Variants in SAP30BP observed in about 807,000 individuals in gnomAD.
SAP30BP encodes SAP30 binding protein.
SAP30BP carries 31 observed loss-of-function variants against 46.3 expected under a neutral mutation model. The ratio of observed to expected loss-of-function variants is 0.67; its 90% CI spans 0.50 to 0.90. SAP30BP has a LOEUF of 0.90. Ranked by LOEUF, SAP30BP falls within the 40% of genes least tolerant of loss-of-function variation. The probability of loss-of-function intolerance (pLI) is 0.00; values close to 1 mark genes in which losing one functional copy is unlikely to be tolerated. For missense variants in SAP30BP, 312 were observed against 391.0 expected (o/e 0.80, Z 1.70); for synonymous variants, 169 against 144.2 (o/e 1.17, Z -1.23).
At chr17:75,683,349 AAAT>A (rs758132585) in intron 3 of SAP30BP, among the ~76,000 whole-genome samples, 61 of 151,536 alleles carry the variant, frequency 4.0e-4, no homozygotes, top group African/African-American at 1.2e-3. Flanking sequence ...GCTTGGTAAA[AAAT>A]AATAATAATA....
rs1275117925 is a variant in SAP30BP at position 75,707,473 on chromosome 17, T to C, written c.*952T>C. The C allele has an allele frequency of 1.3e-5, 2 of 152,624 alleles. No individual in the cohort carries two copies. Among genetic ancestry groups the C allele is most frequent in the Non-Finnish European group, 2.9e-5 (2 of 68,066 alleles). The allele number at this position is 152,624 out of a possible 1,614,324, so 9.5% of individuals were successfully genotyped here. ...GAGACTATTTACCCTTCATGATCTT[T>C]GGCGATTCTCCACTGGAGCGGAAGG... On this transcript the variant is annotated 3_prime_UTR_variant, in exon 11 of 11. Transcript: ENST00000584667.
In SAP30BP at chr17:75,706,779, C is replaced by T; in HGVS notation, c.*258C>T. ...CTTACCTCTTGGCATCTCAGATGCACTGGCCTCTCCTGCATTCTGTTTGCA... is the reference window on the plus strand; with the variant it reads ...CTTACCTCTTGGCATCTCAGATGCATTGGCCTCTCCTGCATTCTGTTTGCA... On this transcript the variant is annotated 3_prime_UTR_variant, in exon 11 of 11. Coordinates refer to ENST00000584667, the MANE Select transcript of SAP30BP (RefSeq NM_013260.8). This position sits in a 1 kb window ranked among gnomAD's most constrained non-coding sequence, Gnocchi z 4.6. The T allele has an allele frequency of 1.9e-6, 1 of 522,320 alleles. No homozygotes were observed. Among genetic ancestry groups the T allele is most frequent in the Non-Finnish European group, 3.4e-6 (1 of 290,890 alleles). The allele number at this position is 522,320 out of a possible 1,614,324, so 32.4% of individuals were successfully genotyped here.
intron 3 of SAP30BP, among the ~76,000 whole-genome samples, chr17:75,679,203 AG>A (rs1355476748): frequency 6.6e-6 from 1 of 151,934 alleles, no homozygotes; most frequent in African/African-American, 2.4e-5. Context: ...TCACCATGTT[AG>A]CCAGGATGGT....
At chr17:75,683,388 TGGAG>T (rs2060113572) in intron 3 of SAP30BP, among the ~76,000 whole-genome samples, 1 of 151,992 alleles carries the variant, frequency 6.6e-6, no homozygotes, top group African/African-American at 2.4e-5. Flanking sequence ...ATATTCCAAA[TGGAG>T]ATTTTTTTAA....
chr17:75,689,480 G>C (rs1460455851), intron 3 of SAP30BP, among the ~76,000 whole-genome samples: 1 of 152,230 alleles, frequency 6.6e-6, no homozygotes, highest in Non-Finnish European at 1.5e-5. Flanking sequence ...CCTTTCCTAG[G>C]TGAGGTGCTT....
chr17:75,691,882 C>T (rs2060247988), intron 3 of SAP30BP: 1 of 192,336 alleles, frequency 5.2e-6, no homozygotes, highest in Non-Finnish European at 1.1e-5. Context: ...TCCTGAGAGT[C>T]ACTGCTACAA....
At chr17:75,703,231 C>T in intron 6 of SAP30BP, 80 bp from the exon 7 acceptor site, 2 of 1,351,106 alleles carry the variant, frequency 1.5e-6, no homozygotes, top group Admixed American at 1.7e-5. Flanking sequence ...GGTTTTGTGT[C>T]AGCCCCAGGA....
intron 3 of SAP30BP, among the ~76,000 whole-genome samples, chr17:75,682,823 C>T (rs1299155323): frequency 2.0e-5 from 3 of 151,440 alleles, no homozygotes; most frequent in Non-Finnish European, 4.4e-5. Context: ...ATTAGCCAGA[C>T]ATGGTGGCAC....
chr17:75,699,726 A>T, intron 4 of SAP30BP, 57 bp from the exon 5 acceptor site: 3 of 1,174,084 alleles, frequency 2.6e-6, no homozygotes, highest in African/African-American at 1.5e-5. Flanking sequence ...TTTTTTGTCC[A>T]TGTCTGTCCC....
rs1209570400 is a variant in SAP30BP, at chr17:75,692,600, G to A, written c.265-840G>A. The A allele has an allele frequency of 1.1e-5, 8 of 746,318 alleles. No homozygotes were observed. In the South Asian group the frequency reaches 3.6e-4, roughly 34 times the overall value. The allele number at this position is 746,318 out of a possible 1,614,324, so 46.2% of individuals were successfully genotyped here. On this transcript the variant is annotated intron_variant, in intron 3 of 10. Coordinates refer to ENST00000584667, the MANE Select transcript of SAP30BP (RefSeq NM_013260.8). Reference sequence around the variant, plus strand: ...CTTGTGACGGAGGGCTTGGACCGTGGCTTTCTCAGCATTGATTTTGGTTTA... The same window carrying A: ...CTTGTGACGGAGGGCTTGGACCGTGACTTTCTCAGCATTGATTTTGGTTTA...
At chr17:75,704,500 C>T (rs1030194132) in intron 8 of SAP30BP, among the ~76,000 whole-genome samples, 4 of 152,218 alleles carry the variant, frequency 2.6e-5, no homozygotes, top group Non-Finnish European at 5.9e-5. Context: ...GCCTGTATTC[C>T]CGTGTGTGGC....
At chr17:75,689,062 TC>T (rs1471733801) in intron 3 of SAP30BP, among the ~76,000 whole-genome samples, 1 of 152,176 alleles carries the variant, frequency 6.6e-6, no homozygotes, top group Non-Finnish European at 1.5e-5. Flanking sequence ...ATTGGTGTCC[TC>T]CACCAGCTCA....
Position 75,699,801 on chromosome 17 carries a change from T to A in SAP30BP, c.326T>A (p.Val109Asp). 6.2e-7 allele frequency: 1 copy of A among 1,613,178 alleles called. No homozygotes were observed. ...QELVASFSER[V>D]RNMSPDEIKI... ...TCAACAGCCTCCTTTTCTGAAAGAG[T>A]TCGGAACATGTCGCCTGATGAAATC... The change falls in exon 5 of 11, where the codon GTT becomes GAT. Residue 109 changes from valine to aspartate, a missense_variant. This residue lies in a region of SAP30BP where 296 missense variants were observed against 346.6 expected (regional missense o/e 0.85). Coordinates refer to ENST00000584667, the MANE Select transcript of SAP30BP (RefSeq NM_013260.8).
intron 7 of SAP30BP, 22 bp from the exon 8 acceptor site, chr17:75,703,786 T>A (rs1568324243): frequency 6.2e-7 from 1 of 1,609,720 alleles, no homozygotes; most frequent in Admixed American, 1.7e-5. Flanking sequence ...GTCATCTGAG[T>A]CATTCGCCTT....
intron 1 of SAP30BP, among the ~76,000 whole-genome samples, chr17:75,667,754 T>TCAC (rs1454952527): frequency 6.6e-6 from 1 of 152,386 alleles, no homozygotes; most frequent in Non-Finnish European, 1.5e-5. Context: ...GAGCGGCTGC[T>TCAC]CAGCCACTGC....
At chr17:75,703,720 G>T (rs2060450796) in intron 7 of SAP30BP, 88 bp from the exon 8 acceptor site, 1 of 1,232,276 alleles carries the variant, frequency 8.1e-7, no homozygotes, top group South Asian at 1.2e-5. Context: ...GGGGACCCCA[G>T]ACCAAGAAGC....
At position 75,672,091 on chromosome 17, in the gene SAP30BP, C is replaced by CCT. The variant is rs1168840533; in HGVS notation, c.264+229_264+230dup. 5.6e-6 allele frequency: 3 copies of CCT among 534,784 alleles called. No homozygotes were observed. In the East Asian group the frequency reaches 9.7e-5, roughly 17 times the overall value. 33.1% of individuals were successfully genotyped at this position (534,784 alleles called of 1,614,324 possible). On this transcript the variant is annotated intron_variant, in intron 3 of 10. Coordinates refer to ENST00000584667, the MANE Select transcript of SAP30BP (RefSeq NM_013260.8). Reference sequence around the variant, plus strand: ...CAGCCTTTCAGATTGTGCCATATCTCCTGACTAGAAAGGCGAGAGGCCTGG... The same window carrying CCT: ...CAGCCTTTCAGATTGTGCCATATCTCCTCTGACTAGAAAGGCGAGAGGCCTGG...
At chr17:75,687,769 C>T (rs2060178434) in intron 3 of SAP30BP, among the ~76,000 whole-genome samples, 1 of 152,188 alleles carries the variant, frequency 6.6e-6, no homozygotes, top group Non-Finnish European at 1.5e-5. Flanking sequence ...AGCTGCTCTT[C>T]TGCTGCCTGT....
chr17:75,702,238 A>G (rs887879396), intron 5 of SAP30BP, among the ~76,000 whole-genome samples: 1 of 152,124 alleles, frequency 6.6e-6, no homozygotes, highest in African/African-American at 2.4e-5. Context: ...GTGGGCCAGG[A>G]TGGTCTCAAT....
Sources: gnomAD v4.1 joint callset for allele counts (sites outside exome capture counted in the v4.1 genomes callset) on GRCh38, gnomAD v4.1.1 for gene constraint, gnomAD v4.1.1 regional missense constraint, Gnocchi (gnomAD v3.1) non-coding constraint, MANE v1.5 for transcripts, NCBI Gene and HGNC (gene_info 2026-07-23, HGNC 2026-07-21) for gene names.